TBC1D2: variants seen among roughly 807,000 people sequenced by gnomAD.
The protein encoded by TBC1D2 is TBC1 domain family member 2, also known as TBC1 domain family member 2A.
In TBC1D2, 58 loss-of-function variants were observed where a neutral mutation model predicts 91.1. The observed-to-expected ratio is 0.64, with a 90% CI of 0.52 to 0.79. The LOEUF is 0.79. Ranked by LOEUF, TBC1D2 falls within the 30% of genes least tolerant of loss-of-function variation. The probability of loss-of-function intolerance (pLI) is 0.00; values close to 1 mark genes in which losing one functional copy is unlikely to be tolerated. For missense variants in TBC1D2, 1,080 were observed against 1,208.3 expected, an observed-to-expected ratio of 0.89 and a Z score of 1.57; for synonymous variants, 482 against 511.5, an observed-to-expected ratio of 0.94 and a Z score of 0.78.
In TBC1D2 at chr9:98,232,340, C is replaced by CTTTTTTTTTTTTTTTTTT. The variant is rs1554754378; in HGVS notation, c.781+1075_781+1076insAAAAAAAAAAAAAAAAAA. 4.6e-3 allele frequency among the ~76,000 whole-genome samples: 241 copies of CTTTTTTTTTTTTTTTTTT among 51,862 alleles called. 6 individuals are homozygous for CTTTTTTTTTTTTTTTTTT. The highest frequency in any genetic ancestry group is 0.01 in the African/African-American group (62 of 6,186). 34.0% of individuals were successfully genotyped at this position (51,862 alleles called of 152,430 possible). On this transcript the variant is annotated intron_variant, in intron 4 of 12. Transcript: ENST00000465784. ...TTTTTCTTTTCTTCTTTCTCTTTTT[C>CTTTTTTTTTTTTTTTTTT]TGTTTTTTTTTTTGACAGTGTCTCA...
intron 6 of TBC1D2, among the ~76,000 whole-genome samples, chr9:98,216,760 A>T (rs1310392506): frequency 6.6e-6 from 1 of 152,148 alleles, no homozygotes; most frequent in Non-Finnish European, 1.5e-5. Context: ...GCTGGAATGC[A>T]ATGGCATGAT....
chr9:98,232,342 G>GTTTTTTTTTTGTTT (rs1829391028), intron 4 of TBC1D2, among the ~76,000 whole-genome samples: 1 of 86,774 alleles, frequency 1.2e-5, no homozygotes, highest in African/African-American at 4.6e-5. Flanking sequence ...CTCTTTTTCT[G>GTTTTTTTTTTGTTT]TTTTTTTTTT....
At chr9:98,219,243 A>C (rs1033243635) in intron 6 of TBC1D2, among the ~76,000 whole-genome samples, 1 of 152,246 alleles carries the variant, frequency 6.6e-6, no homozygotes, top group Admixed American at 6.5e-5. Context: ...TAACATGCCT[A>C]AAGTCACACA....
At chr9:98,253,445 C>G (rs1390690148) in intron 1 of TBC1D2, among the ~76,000 whole-genome samples, 1 of 152,198 alleles carries the variant, frequency 6.6e-6, no homozygotes, top group East Asian at 1.9e-4. Context: ...CAGCCTTGCC[C>G]TTCCCCTAGT....
At chr9:98,215,644 A>G (rs912005309) in intron 6 of TBC1D2, among the ~76,000 whole-genome samples, 1 of 152,148 alleles carries the variant, frequency 6.6e-6, no homozygotes, top group African/African-American at 2.4e-5. Flanking sequence ...AGTAGCTGGG[A>G]CTATAGGCAG....
intron 2 of TBC1D2, among the ~76,000 whole-genome samples, chr9:98,246,156 T>A (rs1031200412): frequency 6.6e-6 from 1 of 152,130 alleles, no homozygotes; most frequent in Non-Finnish European, 1.5e-5. Flanking sequence ...CAGGACCACT[T>A]ATGGGTTGGT....
At chr9:98,223,007 G>C (rs1829136845) in intron 5 of TBC1D2, among the ~76,000 whole-genome samples, 1 of 152,236 alleles carries the variant, frequency 6.6e-6, no homozygotes, top group African/African-American at 2.4e-5. Context: ...CTCGGTGCCA[G>C]GCCAGGCCCT....
At chr9:98,232,334 C>CTTTTTTTTTTTTTT (rs1564251655) in intron 4 of TBC1D2, among the ~76,000 whole-genome samples, 1 of 62,916 alleles carries the variant, frequency 1.6e-5, no homozygotes. Flanking sequence ...TCTTCTTTCT[C>CTTTTTTTTTTTTTT]TTTTTCTGTT....
chr9:98,203,816 A>G (rs1447429356), intron 9 of TBC1D2, among the ~76,000 whole-genome samples: 1 of 152,062 alleles, frequency 6.6e-6, no homozygotes, highest in African/African-American at 2.4e-5. Context: ...CTCTTTATAA[A>G]TGTTAGCTAT....
At chr9:98,253,894 C>T (rs567411594) in intron 1 of TBC1D2, among the ~76,000 whole-genome samples, 421 of 152,246 alleles carry the variant, frequency 2.8e-3, no homozygotes, top group Non-Finnish European at 3.7e-3. Flanking sequence ...TGCATTAGCT[C>T]CACACCCCGC....
chr9:98,210,952 C>T (rs931818577), intron 7 of TBC1D2, 109 bp from the exon 8 acceptor site: 2 of 1,019,350 alleles, frequency 2.0e-6, no homozygotes, highest in Non-Finnish European at 2.8e-6. Flanking sequence ...TCTCATCTGC[C>T]CCACTCCCAA....
chr9:98,226,842 G>C (rs892982601), intron 5 of TBC1D2, among the ~76,000 whole-genome samples: 1 of 152,128 alleles, frequency 6.6e-6, no homozygotes, highest in Non-Finnish European at 1.5e-5. Flanking sequence ...TCAATAGCCT[G>C]GTCAACCCTT....
At chr9:98,220,771 C>T in intron 6 of TBC1D2, 62 bp downstream of exon 6, 1 of 1,584,798 alleles carries the variant, frequency 6.3e-7, no homozygotes, top group Non-Finnish European at 8.6e-7. Flanking sequence ...GAGAGCGCAC[C>T]TTCCCTGAGG....
chr9:98,227,355 C>A (rs550702020), intron 5 of TBC1D2, among the ~76,000 whole-genome samples: 4 of 152,338 alleles, frequency 2.6e-5, no homozygotes, highest in Admixed American at 1.3e-4. Context: ...ATGCACATAA[C>A]AGGCCCTTAA....
At chr9:98,202,989 T>C (rs989708811) in intron 10 of TBC1D2, among the ~76,000 whole-genome samples, 1 of 152,260 alleles carries the variant, frequency 6.6e-6, no homozygotes, top group African/African-American at 2.4e-5. Context: ...AGCCATTTTG[T>C]GACCAGGAGG....
intron 9 of TBC1D2, among the ~76,000 whole-genome samples, chr9:98,204,840 C>T (rs1828607189): frequency 6.6e-6 from 1 of 152,202 alleles, no homozygotes; most frequent in Non-Finnish European, 1.5e-5. Context: ...TCAAGGATAG[C>T]AAACGTGAGA....
intron 2 of TBC1D2, among the ~76,000 whole-genome samples, chr9:98,247,197 TGTGCCTGTA>T (rs1294358824): frequency 4.6e-5 from 7 of 151,766 alleles, no homozygotes; most frequent in African/African-American, 1.7e-4. Context: ...CGTGGTGACG[TGTGCCTGTA>T]GTCCCAGCTA....
At position 98,238,481 on chromosome 9, in the gene TBC1D2, T is replaced by C. The variant is rs1829561987; in HGVS notation, c.648-4932A>G. ...TGAACTAATTTCTTAGCTCTAATAGTTTTTCCTTAGGATTTTCTGTAAACA... is the reference window on the plus strand; with the variant it reads ...TGAACTAATTTCTTAGCTCTAATAGCTTTTCCTTAGGATTTTCTGTAAACA... On this transcript the variant is annotated intron_variant, in intron 3 of 12. Coordinates refer to ENST00000465784, the MANE Select transcript of TBC1D2 (RefSeq NM_001267571.2). Among the ~76,000 whole-genome samples the C allele has an allele frequency of 1.5e-5, 2 of 136,956 alleles. 1 individual carries two copies. The highest frequency in any genetic ancestry group is 7.3e-5 in the African/African-American group (2 of 27,480). 89.8% of individuals were successfully genotyped at this position (136,956 alleles called of 152,430 possible). A position where few individuals can be genotyped will look rare whatever the true frequency, so the allele number is the denominator to read the frequency against.
intron 1 of TBC1D2, among the ~76,000 whole-genome samples, chr9:98,252,459 A>T (rs1459228316): frequency 6.6e-6 from 1 of 152,232 alleles, no homozygotes; most frequent in Admixed American, 6.5e-5. Flanking sequence ...ACATGTGACA[A>T]CATGGTGGCA....
Sources: allele counts gnomAD v4.1 joint callset (sites outside exome capture counted in the v4.1 genomes callset), GRCh38; gene constraint gnomAD v4.1.1; transcripts MANE v1.5; gene names NCBI Gene and HGNC (gene_info 2026-07-23, HGNC 2026-07-21).